Variants in JADE1 observed in about 807,000 individuals in gnomAD.
JADE1 encodes protein Jade-1.
JADE1 carries 14 observed loss-of-function variants against 81.8 expected under a neutral mutation model. The ratio of observed to expected loss-of-function variants is 0.17; its 90% CI spans 0.11 to 0.27. JADE1 has a LOEUF of 0.27. JADE1 is among the 10% of genes least tolerant of loss of function. The pLI is 1.00. For missense variants in JADE1, 690 were observed against 1,047.9 expected (o/e 0.66, Z 4.71); for synonymous variants, 353 against 391.9 (o/e 0.90, Z 1.17).
At chr4:128,814,551 T>C (rs1726811982) in intron 1 of JADE1, among the ~76,000 whole-genome samples, 1 of 151,850 alleles carries the variant, frequency 6.6e-6, no homozygotes, top group Non-Finnish European at 1.5e-5. Flanking sequence ...GAATATACCA[T>C]CTGTAAGGAT....
At chr4:128,831,151 G>T (rs1728515310) in intron 1 of JADE1, among the ~76,000 whole-genome samples, 1 of 152,204 alleles carries the variant, frequency 6.6e-6, no homozygotes, top group South Asian at 2.1e-4. Flanking sequence ...TATAATGTCT[G>T]TGGTTCCTTC....
chr4:128,865,179 G>A (rs1267813582), intron 9 of JADE1, among the ~76,000 whole-genome samples: 2 of 152,158 alleles, frequency 1.3e-5, no homozygotes, highest in African/African-American at 4.8e-5. Flanking sequence ...CAAAAGGCAC[G>A]TTCAACTTTA....
At chr4:128,863,411 G>A (rs925577231) in intron 9 of JADE1, 8 of 985,498 alleles carry the variant, frequency 8.1e-6, no homozygotes, top group Middle Eastern at 1.0e-3. Context: ...CTGAAACAGT[G>A]TAGGGAAAGA....
chr4:128,813,666 C>G (rs1007187369), intron 1 of JADE1, among the ~76,000 whole-genome samples: 3 of 151,900 alleles, frequency 2.0e-5, no homozygotes, highest in Admixed American at 1.3e-4. Flanking sequence ...CGTGATCCGC[C>G]CGCCCCGGCC....
At chr4:128,827,100 C>A (rs1486914085) in intron 1 of JADE1, among the ~76,000 whole-genome samples, 1 of 152,186 alleles carries the variant, frequency 6.6e-6, no homozygotes, top group Non-Finnish European at 1.5e-5. Context: ...CGGCCCCACC[C>A]TCCTCCTTGG....
chr4:128,830,792 C>T (rs971310475), intron 1 of JADE1, among the ~76,000 whole-genome samples: 2 of 152,146 alleles, frequency 1.3e-5, no homozygotes, highest in Admixed American at 6.5e-5. Flanking sequence ...TGAATATAAC[C>T]GCGAGACCAT....
chr4:128,860,539 C>T (rs1731233224), intron 8 of JADE1, among the ~76,000 whole-genome samples: 1 of 152,208 alleles, frequency 6.6e-6, no homozygotes, highest in Non-Finnish European at 1.5e-5. Context: ...CTGGATTCTA[C>T]AGCTCTGTGC....
chr4:128,814,452 A>G (rs573521683), intron 1 of JADE1, among the ~76,000 whole-genome samples: 2 of 152,308 alleles, frequency 1.3e-5, no homozygotes, highest in South Asian at 2.1e-4. Flanking sequence ...ATAAAAACAA[A>G]TTGCTACCAT....
At chr4:128,810,067 C>A (rs1166931869) in intron 1 of JADE1, 190 bp downstream of exon 1, 1 of 152,990 alleles carries the variant, frequency 6.5e-6, no homozygotes, top group Non-Finnish European at 1.5e-5. Flanking sequence ...CGGGAGTTCT[C>A]GGGAGTAATT....
chr4:128,863,114 G>T, intron 9 of JADE1: 1 of 985,778 alleles, frequency 1.0e-6, no homozygotes, highest in Non-Finnish European at 1.2e-6. Flanking sequence ...ATTTCCTTCT[G>T]CTGTTTGCTG....
intron 2 of JADE1, among the ~76,000 whole-genome samples, chr4:128,840,753 T>A (rs918248943): frequency 2.6e-5 from 4 of 152,244 alleles, no homozygotes; most frequent in African/African-American, 9.6e-5. Context: ...AATATTTCTT[T>A]CAGTGTGGGA....
chr4:128,871,270 T>C lies in JADE1; in HGVS notation c.1622-85T>C. ...TGTTGGGTGGGGAGTTCACATCAAT[T>C]GGGCCACACTAAGGGTGTAGAATTT... On this transcript the variant is annotated intron_variant, in intron 10 of 10. Transcript: ENST00000226319. This position sits in a 1 kb window ranked among gnomAD's most constrained non-coding sequence, Gnocchi z 4.1. 1 of 1,294,810 alleles carries C rather than the reference T, an allele frequency of 7.7e-7. No individual in the cohort carries two copies. The highest frequency in any genetic ancestry group is 1.4e-5 in the South Asian group (1 of 69,634). The allele number at this position is 1,294,810 out of a possible 1,614,324, so 80.2% of individuals were successfully genotyped here.
At chr4:128,836,027 G>A (rs1728954580) in intron 2 of JADE1, among the ~76,000 whole-genome samples, 1 of 152,172 alleles carries the variant, frequency 6.6e-6, no homozygotes, top group Non-Finnish European at 1.5e-5. Context: ...TGGGCTTCTG[G>A]GACTGGGTGG....
chr4:128,814,987 C>A (rs1726867841), intron 1 of JADE1, among the ~76,000 whole-genome samples: 1 of 152,006 alleles, frequency 6.6e-6, no homozygotes, highest in Non-Finnish European at 1.5e-5. Flanking sequence ...TAAACCACTG[C>A]CTAATAAAGG....
At chr4:128,860,148 G>C (rs574093783) in intron 8 of JADE1, among the ~76,000 whole-genome samples, 1 of 152,300 alleles carries the variant, frequency 6.6e-6, no homozygotes, top group South Asian at 2.1e-4. Context: ...TTGGCTGTGT[G>C]CTACAAGGGA....
At chr4:128,818,043 C>T (rs573484706) in intron 1 of JADE1, among the ~76,000 whole-genome samples, 1 of 152,024 alleles carries the variant, frequency 6.6e-6, no homozygotes, top group East Asian at 1.9e-4. Context: ...TGAGAAAAAC[C>T]CACTGGTTTT....
chr4:128,863,342 G>C, intron 9 of JADE1: 2 of 985,544 alleles, frequency 2.0e-6, no homozygotes, highest in Non-Finnish European at 2.4e-6. Flanking sequence ...TAGTGTGAAA[G>C]AGGTGGGAGT....
intron 1 of JADE1, among the ~76,000 whole-genome samples, chr4:128,822,722 GA>G (rs1023270069): frequency 5.8e-4 from 81 of 139,666 alleles, no homozygotes; most frequent in Middle Eastern, 3.6e-3. Flanking sequence ...TCCGTCTCAA[GA>G]AAAAAAAAAA....
At chr4:128,863,431 C>T (rs1731532054) in intron 9 of JADE1, 1 of 984,086 alleles carries the variant, frequency 1.0e-6, no homozygotes, top group Non-Finnish European at 1.2e-6. Flanking sequence ...ACCTGGGAAA[C>T]ACTGGACCAA....
Sources: gnomAD v4.1 joint callset for allele counts (sites outside exome capture counted in the v4.1 genomes callset) on GRCh38, gnomAD v4.1.1 for gene constraint, Gnocchi (gnomAD v3.1) non-coding constraint, MANE v1.5 for transcripts, NCBI Gene and HGNC (gene_info 2026-07-23, HGNC 2026-07-21) for gene names.